BMP6: variants seen among roughly 807,000 people sequenced by gnomAD.
BMP6 encodes the protein bone morphogenetic protein 6, also known as VG-1-R.
In BMP6, 17 loss-of-function variants were observed where a neutral mutation model predicts 54.1. That is an observed-to-expected ratio of 0.31 (90% CI 0.22 to 0.47). BMP6 has a LOEUF of 0.47. Among genes scored for constraint, BMP6 ranks in the 20% least tolerant of loss-of-function variants. The probability of loss-of-function intolerance (pLI) is 1.00; values close to 1 mark genes in which losing one functional copy is unlikely to be tolerated. For missense variants in BMP6, 720 were observed against 690.4 expected, an observed-to-expected ratio of 1.04 and a Z score of -0.48; for synonymous variants, 328 against 291.2, an observed-to-expected ratio of 1.13 and a Z score of -1.28.
intron 1 of BMP6, among the ~76,000 whole-genome samples, chr6:7,797,340 G>A (rs773649853): frequency 2.6e-5 from 4 of 152,142 alleles, no homozygotes; most frequent in Non-Finnish European, 5.9e-5. Context: ...TACACATCCC[G>A]AGTAATGAAG....
At chr6:7,854,544 C>G (rs1170325523) in intron 2 of BMP6, among the ~76,000 whole-genome samples, 3 of 152,224 alleles carry the variant, frequency 2.0e-5, no homozygotes, top group African/African-American at 7.2e-5. Context: ...CGCCTGTGAT[C>G]CCAGCACTTG....
intron 1 of BMP6, among the ~76,000 whole-genome samples, chr6:7,820,098 A>G (rs550913419): frequency 6.6e-6 from 1 of 152,368 alleles, no homozygotes; most frequent in African/African-American, 2.4e-5. Flanking sequence ...ATAACCAAAA[A>G]TAAGACAATA....
chr6:7,779,237 A>G (rs1235810560), intron 1 of BMP6, among the ~76,000 whole-genome samples: 1 of 152,208 alleles, frequency 6.6e-6, no homozygotes, highest in Non-Finnish European at 1.5e-5. Context: ...CCAGGCAACC[A>G]TGGTGCCCTC....
intron 1 of BMP6, among the ~76,000 whole-genome samples, chr6:7,758,818 G>A (rs1199891164): frequency 1.3e-5 from 2 of 152,086 alleles, no homozygotes; most frequent in Non-Finnish European, 1.5e-5. Flanking sequence ...ATGCTCACAC[G>A]CACATGAGGT....
intron 1 of BMP6, among the ~76,000 whole-genome samples, chr6:7,744,054 C>G (rs1050430995): frequency 3.9e-5 from 6 of 152,186 alleles, no homozygotes; most frequent in Non-Finnish European, 7.3e-5. Context: ...GGTTTTACAG[C>G]AAATATCTGT....
intron 1 of BMP6, among the ~76,000 whole-genome samples, chr6:7,737,172 C>T (rs1236890282): frequency 1.3e-5 from 2 of 151,092 alleles, no homozygotes; most frequent in East Asian, 1.9e-4. Context: ...AGTGACAAAG[C>T]GAGACTCCAT....
rs974275063 is a variant in BMP6, at chr6:7,881,701, G to A, written c.*1358G>A. On this transcript the variant is annotated 3_prime_UTR_variant, in exon 7 of 7. Transcript: ENST00000283147. Reference sequence around the variant, plus strand: ...AAAAAGAATTATCTGTGAACCATACGTGATTAATAAAGATTTCCTTTAAGG... The same window carrying A: ...AAAAAGAATTATCTGTGAACCATACATGATTAATAAAGATTTCCTTTAAGG... 2.0e-5 allele frequency: 3 copies of A among 152,142 alleles called. No homozygotes were observed. Among genetic ancestry groups the A allele is most frequent in the African/African-American group, 4.8e-5 (2 of 41,406 alleles). 9.4% of individuals were successfully genotyped at this position (152,142 alleles called of 1,614,324 possible).
chr6:7,789,707 GTTAGTAATTATTTCCCAGC>G (rs1758067337), intron 1 of BMP6, among the ~76,000 whole-genome samples: 1 of 152,074 alleles, frequency 6.6e-6, no homozygotes, highest in Non-Finnish European at 1.5e-5. Context: ...CTCGGGGCTG[GTTAGTAATTATTTCCCAGC>G]TTATGGGATT....
intron 1 of BMP6, among the ~76,000 whole-genome samples, chr6:7,786,469 T>TG (rs1475299729): frequency 6.6e-6 from 1 of 151,724 alleles, no homozygotes; most frequent in Non-Finnish European, 1.5e-5. Context: ...TGTTTTTTTT[T>TG]TTTTTTTTTT....
chr6:7,761,007 T>C (rs1352996386), intron 1 of BMP6, among the ~76,000 whole-genome samples: 1 of 152,248 alleles, frequency 6.6e-6, no homozygotes, highest in East Asian at 1.9e-4. Context: ...CAGATCTGAA[T>C]GGCAATAGCA....
At chr6:7,859,823 G>T (rs1759306909) in intron 2 of BMP6, among the ~76,000 whole-genome samples, 1 of 152,148 alleles carries the variant, frequency 6.6e-6, no homozygotes, top group African/African-American at 2.4e-5. Flanking sequence ...TTAAGCAGCT[G>T]AGTAAATGAC....
intron 1 of BMP6, among the ~76,000 whole-genome samples, chr6:7,803,099 AAAATAGT>A (rs1309435613): frequency 2.6e-5 from 4 of 152,108 alleles, no homozygotes; most frequent in Non-Finnish European, 5.9e-5. Flanking sequence ...CTTGAATGGG[AAAATAGT>A]AGACTCGGGA....
At chr6:7,820,918 G>A (rs186494687) in intron 1 of BMP6, among the ~76,000 whole-genome samples, 97 of 152,312 alleles carry the variant, frequency 6.4e-4, no homozygotes, top group African/African-American at 2.3e-3. Flanking sequence ...TTCACAATAG[G>A]GTTTGTGCTC....
intron 1 of BMP6, among the ~76,000 whole-genome samples, chr6:7,812,007 A>G (rs1361630814): frequency 6.6e-6 from 1 of 152,242 alleles, no homozygotes; most frequent in Non-Finnish European, 1.5e-5. Context: ...CAACATAGGC[A>G]GGTGTTCAAA....
chr6:7,737,585 G>C (rs984725795), intron 1 of BMP6, among the ~76,000 whole-genome samples: 1 of 151,990 alleles, frequency 6.6e-6, no homozygotes, highest in African/African-American at 2.4e-5. Flanking sequence ...AGCTGCAGGG[G>C]TGAAGGAGGT....
rs181805000 is a variant in BMP6 at position 7,820,883 on chromosome 6, C to T, written c.665-24257C>T. 3.7e-3 allele frequency among the ~76,000 whole-genome samples: 571 copies of T among 152,330 alleles called. 7 individuals are homozygous for T. The highest frequency in any genetic ancestry group is 0.013 in the African/African-American group (533 of 41,582). ...GCATTAGATCCTCAGAAGGAGCACG[C>T]GATCTAGATCGCTTGTGTGCCCGGT... is the stretch of plus-strand genomic sequence containing the variant. On this transcript the variant is annotated intron_variant, in intron 1 of 6. Coordinates refer to ENST00000283147, the MANE Select transcript of BMP6 (RefSeq NM_001718.6).
chr6:7,852,926 C>T (rs978948006), intron 2 of BMP6, among the ~76,000 whole-genome samples: 1 of 151,636 alleles, frequency 6.6e-6, no homozygotes, highest in African/African-American at 2.4e-5. Flanking sequence ...GAGCTCATTT[C>T]CATGCAGCCC....
rs1759715493 is a variant in BMP6 at position 7,881,107 on chromosome 6, C to G, written c.*764C>G. The stretch of plus-strand genomic sequence containing the variant: ...TCACCTCTTCTTTACCAGAACGGTT[C>G]TTTGACCAGCACATTAACTTCTGGA... On this transcript the variant is annotated 3_prime_UTR_variant, in exon 7 of 7. Coordinates refer to ENST00000283147, the MANE Select transcript of BMP6 (RefSeq NM_001718.6). 1.3e-5 allele frequency: 2 copies of G among 152,268 alleles called. No homozygotes were observed. The highest frequency in any genetic ancestry group is 4.1e-4 in the South Asian group (2 of 4,830). 9.4% of individuals were successfully genotyped at this position (152,268 alleles called of 1,614,324 possible).
At chr6:7,738,119 AAG>A (rs1471786730) in intron 1 of BMP6, among the ~76,000 whole-genome samples, 1 of 152,220 alleles carries the variant, frequency 6.6e-6, no homozygotes, top group Admixed American at 6.5e-5. Flanking sequence ...AAGGCCGTAG[AAG>A]CACTTTCTAT....
Sources: gnomAD v4.1 joint callset for allele counts (sites outside exome capture counted in the v4.1 genomes callset) on GRCh38, gnomAD v4.1.1 for gene constraint, MANE v1.5 for transcripts, NCBI Gene and HGNC (gene_info 2026-07-23, HGNC 2026-07-21) for gene names.